Variants in CREBRF observed in about 807,000 individuals in gnomAD.
CREBRF encodes CREB3 regulatory factor, also known as UPF0474 protein C5orf41.
In CREBRF, 5 loss-of-function variants were observed where a neutral mutation model predicts 66.1. That is an observed-to-expected ratio of 0.08 (90% CI 0.04 to 0.16). The LOEUF is 0.16. Among genes scored for constraint, CREBRF ranks in the 10% least tolerant of loss-of-function variants. The pLI, the probability that CREBRF is intolerant of heterozygous loss-of-function variation, is 1.00. For synonymous variants in CREBRF, 229 were observed against 264.4 expected (o/e 0.87, Z 1.30); for missense variants, 531 against 744.9 (o/e 0.71, Z 3.34).
chr5:173,105,149 G>A (rs1419815462), intron 4 of CREBRF, among the ~76,000 whole-genome samples: 2 of 151,998 alleles, frequency 1.3e-5, no homozygotes, highest in African/African-American at 2.4e-5. Flanking sequence ...CAGGCCCCTT[G>A]CAGAGAGGCA....
At chr5:173,102,307 G>A (rs1758646741) in intron 4 of CREBRF, among the ~76,000 whole-genome samples, 1 of 152,068 alleles carries the variant, frequency 6.6e-6, no homozygotes, top group African/African-American at 2.4e-5. Context: ...GCCTTTAATT[G>A]GTGTCTATAC....
Position 173,086,597 on chromosome 5 carries a change from A to G in CREBRF, c.106A>G (p.Ser36Gly), listed in dbSNP as rs758706916. 5 of 1,612,804 alleles carry G rather than the reference A, an allele frequency of 3.1e-6. No homozygotes were observed. The highest frequency in any genetic ancestry group is 2.2e-5 in the South Asian group (2 of 90,870). Residue 36 changes from serine (S) to glycine (G), a missense_variant, in exon 3 of 9, where the codon AGT becomes GGT. Ser to Gly is a moderately conservative substitution (Grantham distance 56). Transcript: ENST00000296953. Reference sequence around the variant, plus strand: ...GATGAGCACAGATCTCTTAGCAAACAGTTCGGATCCAGATTTCATGTATGA... The same window carrying G: ...GATGAGCACAGATCTCTTAGCAAACGGTTCGGATCCAGATTTCATGTATGA... ...TLMSTDLLAN[S>G]SDPDFMYELD...
At chr5:173,063,417 G>A (rs145244951) in intron 1 of CREBRF, among the ~76,000 whole-genome samples, 9,251 of 152,184 alleles carry the variant, frequency 0.061, 336 homozygotes, top group Middle Eastern at 0.16. Context: ...GCCCACGCTG[G>A]AGTGCAGTGG....
At chr5:173,100,118 G>GTATATATA (rs1554125222) in intron 4 of CREBRF, among the ~76,000 whole-genome samples, 27 of 88,382 alleles carry the variant, frequency 3.1e-4, no homozygotes, top group South Asian at 1.2e-3. Context: ...GTGTGTGTGT[G>GTATATATA]TATATATATA....
chr5:173,116,246 T>A (rs905717069), intron 7 of CREBRF, among the ~76,000 whole-genome samples: 25 of 152,252 alleles, frequency 1.6e-4, no homozygotes, highest in Non-Finnish European at 3.2e-4. Flanking sequence ...TACCGAGGTA[T>A]AATTGAAGTA....
At chr5:173,114,811 C>G (rs780157901) in intron 7 of CREBRF, among the ~76,000 whole-genome samples, 3 of 152,174 alleles carry the variant, frequency 2.0e-5, no homozygotes, top group Non-Finnish European at 2.9e-5. Flanking sequence ...GCTCTTCACT[C>G]TGACTGACGT....
chr5:173,090,965 G>C lies in CREBRF; in HGVS notation c.786G>C (p.Glu262Asp), dbSNP rs757045100. 6.2e-7 allele frequency: 1 copy of C among 1,614,190 alleles called. No homozygotes were observed. Among genetic ancestry groups the C allele is most frequent in the Non-Finnish European group, 8.5e-7 (1 of 1,180,042 alleles). Residue 262 changes from glutamate to aspartate, a missense_variant, in exon 4 of 9, where the codon GAG becomes GAC. By Grantham distance (45) the Glu-to-Asp change is conservative. This residue lies in a region of CREBRF where 309 missense variants were observed against 341.4 expected (regional missense o/e 0.90). Transcript: ENST00000296953. The surrounding 1 kb of genome is among the most constrained non-coding windows in gnomAD (Gnocchi z 4.5). ...LSQIHTDAAKENTCYCGAVAK... is the reference protein window; with the variant it reads ...LSQIHTDAAKDNTCYCGAVAK... ...AGATTCACACAGATGCAGCAAAGGA[G>C]AACACCTGCTACTGTGGTGCAGTGG...
intron 1 of CREBRF, among the ~76,000 whole-genome samples, chr5:173,074,623 T>C (rs987154876): frequency 6.6e-6 from 1 of 151,772 alleles, no homozygotes; most frequent in Non-Finnish European, 1.5e-5. Flanking sequence ...TTTATTTATT[T>C]TTATTTTTTT....
At position 173,090,622 on chromosome 5, in the gene CREBRF, A is replaced by T; in HGVS notation, c.443A>T (p.Gln148Leu). Residue 148 changes from glutamine to leucine, a missense_variant, in exon 4 of 9, where the codon CAG (glutamine) becomes CTG (leucine). By Grantham distance (113) the Gln-to-Leu change is moderately radical. This residue lies in a region of CREBRF where 133 missense variants were observed against 215.6 expected (regional missense o/e 0.62). Transcript: ENST00000296953. This position sits in a 1 kb window ranked among gnomAD's most constrained non-coding sequence, Gnocchi z 4.5. ...GCTCAACTTAATAGTGAGGACTCACAGTCTGTTTCTGATTCCCTTTATTAC... is the reference window on the plus strand; with the variant it reads ...GCTCAACTTAATAGTGAGGACTCACTGTCTGTTTCTGATTCCCTTTATTAC... ...TLAQLNSEDS[Q>L]SVSDSLYYPD... 6.2e-7 allele frequency: 1 copy of T among 1,614,156 alleles called. No homozygotes were observed. The highest frequency in any genetic ancestry group is 1.3e-5 in the African/African-American group (1 of 75,062).
chr5:173,109,356 G>C (rs1758821701), intron 5 of CREBRF: 1 of 152,492 alleles, frequency 6.6e-6, no homozygotes, highest in African/African-American at 2.4e-5. Flanking sequence ...GTGTGCTGCA[G>C]CTCATGGTTG....
chr5:173,111,998 C>G (rs982386670), intron 6 of CREBRF, among the ~76,000 whole-genome samples: 7 of 152,122 alleles, frequency 4.6e-5, no homozygotes, highest in Non-Finnish European at 8.8e-5. Context: ...TTTTAAAAAT[C>G]AATTTGCATA....
intron 7 of CREBRF, among the ~76,000 whole-genome samples, chr5:173,116,611 A>C (rs1315490838): frequency 2.6e-5 from 4 of 152,138 alleles, no homozygotes; most frequent in African/African-American, 9.7e-5. Context: ...ATGTACTACA[A>C]TTTGTTTATC....
chr5:173,129,694 C>T (rs1383934626), intron 8 of CREBRF, among the ~76,000 whole-genome samples: 2 of 142,478 alleles, frequency 1.4e-5, no homozygotes, highest in African/African-American at 5.2e-5. Flanking sequence ...CATTGTACTC[C>T]AGCCTGAGTG....
chr5:173,127,162 CTTTTTTTTTTTTTT>C (rs70984944), intron 8 of CREBRF, among the ~76,000 whole-genome samples: 1 of 114,762 alleles, frequency 8.7e-6, no homozygotes, highest in Non-Finnish European at 1.8e-5. Context: ...GTTTCTTTTT[CTTTTTTTTTTTTTT>C]TTTTTTGAGA....
rs1158647885 is a variant in CREBRF at position 173,138,531 on chromosome 5, G to A, written c.*4786G>A. The A allele has an allele frequency of 2.0e-5, 3 of 152,146 alleles. No homozygotes were observed. The East Asian group carries it at 5.8e-4, about 29-fold the overall frequency. 9.4% of individuals were successfully genotyped at this position (152,146 alleles called of 1,614,324 possible). A position where few individuals can be genotyped will look rare whatever the true frequency, so the allele number is the denominator to read the frequency against. On this transcript the variant is annotated 3_prime_UTR_variant, in exon 9 of 9. Transcript: ENST00000296953. Reference sequence around the variant, plus strand: ...AAAACTACTTCCAAACAGTATTTTGGAATTGAAGACTTGGTAACTAGTGAA... The same window carrying A: ...AAAACTACTTCCAAACAGTATTTTGAAATTGAAGACTTGGTAACTAGTGAA...
intron 7 of CREBRF, among the ~76,000 whole-genome samples, chr5:173,115,467 C>T (rs1293211822): frequency 6.6e-6 from 1 of 152,096 alleles, no homozygotes; most frequent in Non-Finnish European, 1.5e-5. Flanking sequence ...GGGAGAACCC[C>T]ATTGTTTTCC....
intron 1 of CREBRF, among the ~76,000 whole-genome samples, chr5:173,069,708 C>T (rs997046026): frequency 6.6e-6 from 1 of 152,040 alleles, no homozygotes; most frequent in Non-Finnish European, 1.5e-5. Flanking sequence ...AATGTTAGAG[C>T]CAAAGTGGCA....
At position 173,133,765 on chromosome 5, in the gene CREBRF, G is replaced by T; in HGVS notation, c.*20G>T. The stretch of plus-strand genomic sequence containing the variant: ...GTGTAATCAGCCTCATTGGACCACT[G>T]GTCAGAAATGTCTGCGTTTTGTCAC... On this transcript the variant is annotated 3_prime_UTR_variant, in exon 9 of 9. Coordinates refer to ENST00000296953, the MANE Select transcript of CREBRF (RefSeq NM_153607.3). 2 of 1,288,790 alleles carry T rather than the reference G, an allele frequency of 1.6e-6. No individual in the cohort carries two copies. Among genetic ancestry groups the T allele is most frequent in the Non-Finnish European group, 1.1e-6 (1 of 898,464 alleles). The allele number at this position is 1,288,790 out of a possible 1,614,324, so 79.8% of individuals were successfully genotyped here.
chr5:173,121,781 T>C (rs1269992393), intron 7 of CREBRF, among the ~76,000 whole-genome samples: 1 of 152,220 alleles, frequency 6.6e-6, no homozygotes, highest in African/African-American at 2.4e-5. Context: ...CTTAAAGCAA[T>C]GAAGACAAGT....
Sources: allele counts gnomAD v4.1 joint callset (sites outside exome capture counted in the v4.1 genomes callset), GRCh38; gene constraint gnomAD v4.1.1; regional missense constraint gnomAD v4.1.1; non-coding constraint Gnocchi (gnomAD v3.1); transcripts MANE v1.5; gene names NCBI Gene and HGNC (gene_info 2026-07-23, HGNC 2026-07-21).